Variants in TMEM220 observed in about 807,000 individuals in gnomAD.
The protein encoded by TMEM220 is transmembrane protein 220.
TMEM220 carries 21 observed loss-of-function variants against 21.7 expected under a neutral mutation model. The ratio of observed to expected loss-of-function variants is 0.97; its 90% CI spans 0.69 to 1.39. The LOEUF is 1.39. Among genes scored for constraint, TMEM220 ranks in the 40% most tolerant of loss-of-function variants. The probability of loss-of-function intolerance (pLI) is 0.00; values close to 1 mark genes in which losing one functional copy is unlikely to be tolerated. For missense variants in TMEM220, 191 were observed against 201.9 expected (o/e 0.95, Z 0.33); for synonymous variants, 80 against 73.6 (o/e 1.09, Z -0.45).
chr17:10,716,749 TAA>T (rs1174847305), intron 5 of TMEM220, among the ~76,000 whole-genome samples: 1 of 152,238 alleles, frequency 6.6e-6, no homozygotes, highest in African/African-American at 2.4e-5. Flanking sequence ...ATCTTTGCCA[TAA>T]GTCAAAACCC....
Position 10,729,769 on chromosome 17 carries a change from G to T in TMEM220, c.72+11C>A, listed in dbSNP as rs1345237683. 1.5e-6 allele frequency: 2 copies of T among 1,364,940 alleles called. No individual in the cohort carries two copies. Among genetic ancestry groups the T allele is most frequent in the African/African-American group, 3.0e-5 (2 of 65,854 alleles). 84.6% of individuals were successfully genotyped at this position (1,364,940 alleles called of 1,614,324 possible). On this transcript the variant is annotated intron_variant, in intron 1 of 5. Coordinates refer to ENST00000341871, the MANE Select transcript of TMEM220 (RefSeq NM_001004313.3). ...GCCGGGCGGGTCCCCCTCCCACCGCGGCCGCCTGACCTGCACCAAGGCCGC... is the reference window on the plus strand; with the variant it reads ...GCCGGGCGGGTCCCCCTCCCACCGCTGCCGCCTGACCTGCACCAAGGCCGC...
Position 10,713,372 on chromosome 17 carries a change from G to A in TMEM220, c.*2081C>T, listed in dbSNP as rs1279003667. The stretch of plus-strand genomic sequence containing the variant: ...TCTTCAAAAGACTATTCCACCAAAA[G>A]TGCCTTTTATATGCTTAACTGAAGA... On this transcript the variant is annotated 3_prime_UTR_variant, in exon 6 of 6. Coordinates refer to ENST00000341871, the MANE Select transcript of TMEM220 (RefSeq NM_001004313.3). The A allele has an allele frequency of 1.3e-5, 2 of 151,202 alleles. No individual in the cohort carries two copies. The highest frequency in any genetic ancestry group is 1.9e-4 in the East Asian group (1 of 5,144). The allele number at this position is 151,202 out of a possible 1,614,324, so 9.4% of individuals were successfully genotyped here.
At chr17:10,717,596 A>C (rs1468296295) in intron 5 of TMEM220, among the ~76,000 whole-genome samples, 1 of 152,202 alleles carries the variant, frequency 6.6e-6, no homozygotes, top group African/African-American at 2.4e-5. Flanking sequence ...ATCTGTGGTC[A>C]TGAGTGAGAC....
At chr17:10,728,695 G>C (rs1479543584) in intron 2 of TMEM220, among the ~76,000 whole-genome samples, 1 of 152,182 alleles carries the variant, frequency 6.6e-6, no homozygotes, top group African/African-American at 2.4e-5. Flanking sequence ...TCAAAGGTTT[G>C]CATTGAGTGT....
chr17:10,720,296 C>A (rs889901444), intron 5 of TMEM220, among the ~76,000 whole-genome samples: 2 of 152,160 alleles, frequency 1.3e-5, no homozygotes, highest in African/African-American at 2.4e-5. Context: ...TAGCAAAAGC[C>A]TGGATACTAT....
chr17:10,726,236 G>C lies in TMEM220; in HGVS notation c.131C>G (p.Thr44Ser). The change falls in exon 3 of 6, where the codon ACC (threonine) becomes AGC (serine). Residue 44 changes from threonine to serine, a missense_variant. Thr to Ser is a moderately conservative substitution (Grantham distance 58). Transcript: ENST00000341871. ...TTCAGGGTTAAGTCCAACAAGCAGGGTCAGTACTGCAGGGATTGTGTACAC... is the reference window on the plus strand; with the variant it reads ...TTCAGGGTTAAGTCCAACAAGCAGGCTCAGTACTGCAGGGATTGTGTACAC... ...VVVYTIPAVL[T>S]LLVGLNPEVT... 7 of 1,614,106 alleles carry C rather than the reference G, an allele frequency of 4.3e-6. No homozygotes were observed. The highest frequency in any genetic ancestry group is 5.9e-6 in the Non-Finnish European group (7 of 1,179,994).
intron 2 of TMEM220, among the ~76,000 whole-genome samples, chr17:10,727,962 A>G (rs2075066802): frequency 1.3e-5 from 2 of 152,232 alleles, no homozygotes; most frequent in East Asian, 3.9e-4. Flanking sequence ...AGAGTTCAAG[A>G]CCAGCTTGAC....
In TMEM220 at chr17:10,726,919, G is replaced by A. The variant is rs114100490; in HGVS notation, c.103-655C>T. Among the ~76,000 whole-genome samples, 880 of 152,352 alleles carry A rather than the reference G, an allele frequency of 5.8e-3. 5 individuals are homozygous for A. Among genetic ancestry groups the A allele is most frequent in the African/African-American group, 0.019 (786 of 41,572 alleles). On this transcript the variant is annotated intron_variant, in intron 2 of 5. Transcript: ENST00000341871. ...GTGTTGTTGGCAGGGAATAAGTAGGGAGGGTGGGTTTATAAGAAGGATGGG... is the reference window on the plus strand; with the variant it reads ...GTGTTGTTGGCAGGGAATAAGTAGGAAGGGTGGGTTTATAAGAAGGATGGG...
At chr17:10,723,425 T>C in intron 4 of TMEM220, 96 bp from the exon 5 acceptor site, 1 of 853,648 alleles carries the variant, frequency 1.2e-6, no homozygotes, top group South Asian at 1.3e-5. Context: ...CGCATTCTGA[T>C]TGAGTGACTG....
At position 10,715,489 on chromosome 17, in the gene TMEM220, C is replaced by T. The variant is rs752765030; in HGVS notation, c.447G>A (p.Arg149=). ...TCTTGCAGTGAGTTGGCCAAGAGGA[C>T]CGCATTTCCTTGTTAATATATATGT... ...WVYIYINKEM[R]SSWPTHCKTV... Residue 149 remains arginine (R), a synonymous_variant, in exon 6 of 6, where the codon CGG becomes CGA. Coordinates refer to ENST00000341871, the MANE Select transcript of TMEM220 (RefSeq NM_001004313.3). 3.1e-6 allele frequency: 5 copies of T among 1,600,206 alleles called. No homozygotes were observed. The highest frequency in any genetic ancestry group is 4.2e-6 in the Non-Finnish European group (5 of 1,177,216).
At chr17:10,729,426 G>A (rs2075093607) in intron 1 of TMEM220, among the ~76,000 whole-genome samples, 2 of 152,164 alleles carry the variant, frequency 1.3e-5, no homozygotes, top group Admixed American at 6.5e-5. Flanking sequence ...ATGCTATAAA[G>A]GGTTTTGGTC....
At chr17:10,728,895 C>T (rs996793147) in intron 2 of TMEM220, 136 bp downstream of exon 2, 5 of 892,676 alleles carry the variant, frequency 5.6e-6, no homozygotes, top group Admixed American at 5.1e-5. Flanking sequence ...TAGGAAAAAG[C>T]GCTTCCCAAG....
At chr17:10,721,787 A>G (rs991874252) in intron 5 of TMEM220, among the ~76,000 whole-genome samples, 14 of 119,572 alleles carry the variant, frequency 1.2e-4, no homozygotes, top group Admixed American at 3.4e-4. Flanking sequence ...ATTCAAAATA[A>G]AAAGTTAAAA....
chr17:10,711,822 G>A (rs74775048), downstream of TMEM220, among the ~76,000 whole-genome samples: 1,431 of 152,284 alleles, frequency 9.4e-3, 10 homozygotes, highest in African/African-American at 0.033. Context: ...TACACTAATG[G>A]GACATGTTTA....
At chr17:10,711,148 A>T, downstream of TMEM220, 1 of 1,588,816 alleles carries the variant, frequency 6.3e-7, no homozygotes, top group Non-Finnish European at 8.6e-7. Context: ...TTGTTAGTCT[A>T]ATTTATTTTA....
chr17:10,713,616 A>G lies in TMEM220; in HGVS notation c.*1837T>C, dbSNP rs1404547635. 1 of 152,216 alleles carries G rather than the reference A, an allele frequency of 6.6e-6. No homozygotes were observed. Among genetic ancestry groups the G allele is most frequent in the Non-Finnish European group, 1.5e-5 (1 of 68,038 alleles). 9.4% of individuals were successfully genotyped at this position (152,216 alleles called of 1,614,324 possible). A position where few individuals can be genotyped will look rare whatever the true frequency, so the allele number is the denominator to read the frequency against. On this transcript the variant is annotated 3_prime_UTR_variant, in exon 6 of 6. Coordinates refer to ENST00000341871, the MANE Select transcript of TMEM220 (RefSeq NM_001004313.3). ...ACTAAAGGAGTTATAAAAGCCACAA[A>G]TATGTAAGCAAAATATACACTGGAA...
intron 5 of TMEM220, among the ~76,000 whole-genome samples, chr17:10,721,834 T>C (rs2074996394): frequency 6.6e-6 from 1 of 152,060 alleles, no homozygotes; most frequent in Admixed American, 6.5e-5. Context: ...GTTGTTTTTC[T>C]CCAATAATTG....
intron 5 of TMEM220, among the ~76,000 whole-genome samples, chr17:10,715,812 G>A (rs1404568250): frequency 1.3e-5 from 2 of 152,066 alleles, no homozygotes; most frequent in African/African-American, 4.8e-5. Flanking sequence ...TGTCTTTTGA[G>A]GAAGAGAAGT....
rs767142978 is a variant in TMEM220 at position 10,729,043 on chromosome 17, T to C, written c.90A>G (p.Ala30=). The change falls in exon 2 of 6, where the codon GCA becomes GCG. Residue 30 remains alanine (A), a synonymous_variant. Transcript: ENST00000341871. ...GGCTCATACTCACCACCCACACCTCTGCATCTGGGTCATTTACCTGGAACG... is the reference window on the plus strand; with the variant it reads ...GGCTCATACTCACCACCCACACCTCCGCATCTGGGTCATTTACCTGGAACG... ...AALVQVNDPD[A]EVWVVVYTIP... The C allele has an allele frequency of 1.9e-6, 3 of 1,614,202 alleles. No individual in the cohort carries two copies. The South Asian group carries it at 3.3e-5, about 18-fold the overall frequency.
Sources: allele counts gnomAD v4.1 joint callset (sites outside exome capture counted in the v4.1 genomes callset), GRCh38; gene constraint gnomAD v4.1.1; transcripts MANE v1.5; gene names NCBI Gene and HGNC (gene_info 2026-07-23, HGNC 2026-07-21).